COL14A1: variants seen among roughly 807,000 people sequenced by gnomAD.
COL14A1 encodes collagen alpha-1(XIV) chain.
COL14A1 carries 136 observed loss-of-function variants against 230.3 expected under a neutral mutation model. The observed-to-expected ratio is 0.59, with a 90% CI of 0.51 to 0.68. The LOEUF is 0.68. Ranked by LOEUF, COL14A1 falls within the 30% of genes least tolerant of loss-of-function variation. The pLI is 0.00. For missense variants in COL14A1, 1,976 were observed against 2,215.8 expected, an observed-to-expected ratio of 0.89 and a Z score of 2.17; for synonymous variants, 792 against 784.1, an observed-to-expected ratio of 1.01 and a Z score of -0.17.
chr8:120,259,657 C>T (rs1306929825), intron 23 of COL14A1, among the ~76,000 whole-genome samples: 1 of 152,128 alleles, frequency 6.6e-6, no homozygotes, highest in East Asian at 1.9e-4. Flanking sequence ...ATTATTTTAG[C>T]AGTAAGATCT....
intron 5 of COL14A1, among the ~76,000 whole-genome samples, chr8:120,171,819 T>G (rs1389445518): frequency 6.6e-6 from 1 of 152,184 alleles, no homozygotes; most frequent in Non-Finnish European, 1.5e-5. Context: ...TTTATCTCAA[T>G]TAGATTTATG....
At chr8:120,252,089 T>C (rs1054100072) in intron 22 of COL14A1, among the ~76,000 whole-genome samples, 1 of 152,228 alleles carries the variant, frequency 6.6e-6, no homozygotes, top group African/African-American at 2.4e-5. Context: ...TGTGATGATT[T>C]ATGTTTACAA....
intron 45 of COL14A1, among the ~76,000 whole-genome samples, chr8:120,359,517 T>C (rs1823116664): frequency 6.6e-6 from 1 of 152,190 alleles, no homozygotes; most frequent in African/African-American, 2.4e-5. Flanking sequence ...TGGTTGACTA[T>C]TCATGCTAAA....
At position 120,285,857 on chromosome 8, in the gene COL14A1, A is replaced by G. The variant is rs774442740; in HGVS notation, c.3968-4A>G. On this transcript the variant is annotated splice_region_variant and splice_polypyrimidine_tract_variant and intron_variant, in intron 32 of 47. Transcript: ENST00000297848. ...CTAAAATATTTTTATTTTTCTTTCA[A>G]TAGATGGTGGGAAAACTCTAACATA... 3 of 1,539,966 alleles carry G rather than the reference A, an allele frequency of 1.9e-6. No homozygotes were observed. Among genetic ancestry groups the G allele is most frequent in the Admixed American group, 1.9e-5 (1 of 51,422 alleles).
chr8:120,132,015 A>G (rs763284611), intron 1 of COL14A1, among the ~76,000 whole-genome samples: 18 of 150,968 alleles, frequency 1.2e-4, no homozygotes, highest in Non-Finnish European at 2.5e-4. Context: ...TGCCCAGATA[A>G]TTTTTTATAT....
At chr8:120,348,115 C>T (rs754867003) in intron 45 of COL14A1, among the ~76,000 whole-genome samples, 8 of 151,114 alleles carry the variant, frequency 5.3e-5, no homozygotes, top group South Asian at 2.1e-4. Flanking sequence ...AGTGCAAAAA[C>T]GTGGAACCAA....
At chr8:120,231,680 G>C in intron 19 of COL14A1, 62 bp downstream of exon 19, 5 of 1,531,198 alleles carry the variant, frequency 3.3e-6, no homozygotes, top group Non-Finnish European at 3.5e-6. Context: ...TAATAAGACT[G>C]TCTTCGGAGA....
intron 31 of COL14A1, among the ~76,000 whole-genome samples, chr8:120,281,777 A>T (rs563148435): frequency 1.3e-5 from 2 of 152,304 alleles, no homozygotes; most frequent in African/African-American, 4.8e-5. Context: ...TGGAATTTAT[A>T]TCCAGCTATC....
chr8:120,183,365 C>T (rs1294392877), intron 5 of COL14A1, among the ~76,000 whole-genome samples: 3 of 152,116 alleles, frequency 2.0e-5, no homozygotes, highest in Non-Finnish European at 2.9e-5. Context: ...CAGCCAGTCA[C>T]GGGGATGGTA....
chr8:120,340,685 C>T (rs1358189309), intron 42 of COL14A1, among the ~76,000 whole-genome samples: 2 of 152,084 alleles, frequency 1.3e-5, no homozygotes, highest in East Asian at 1.9e-4. Flanking sequence ...GCTTTAATAA[C>T]GGCAAGGTTT....
intron 21 of COL14A1, 126 bp downstream of exon 21, chr8:120,247,861 C>G: frequency 8.5e-7 from 1 of 1,173,046 alleles, no homozygotes; most frequent in East Asian, 2.4e-5. Context: ...GGGAGAACCT[C>G]TTACTTGTTT....
chr8:120,356,997 A>AT (rs71306875), intron 45 of COL14A1, among the ~76,000 whole-genome samples: 63,274 of 151,730 alleles, frequency 0.42, 13,177 homozygotes, highest in South Asian at 0.45. Context: ...TCTTTTATTG[A>AT]TTTTTTTTAT....
At position 120,262,919 on chromosome 8, in the gene COL14A1, TC is replaced by T. The variant is rs1563703743; in HGVS notation, c.2922del (p.Tyr975MetfsTer25). 1 of 1,613,742 alleles carries T rather than the reference TC, an allele frequency of 6.2e-7. No individual in the cohort carries two copies. Among genetic ancestry groups the T allele is most frequent in the East Asian group, 2.2e-5 (1 of 44,858 alleles). On this transcript the variant is annotated frameshift_variant, in exon 24 of 48. Transcript: ENST00000297848. LOFTEE classifies it high-confidence loss of function. ...GGTGGAGGGACAACCAGGCATTGCTTCTATGGACTTCAGCCTGATTCTGAAT... is the reference window on the plus strand; with the variant it reads ...GGTGGAGGGACAACCAGGCATTGCTTTATGGACTTCAGCCTGATTCTGAAT... ...TVGGGTTRHC[F>X]YGLQPDSEYK...
rs541220020 is a variant in COL14A1, at chr8:120,371,642, T to C, written c.*411T>C. Reference sequence around the variant, plus strand: ...AATTCAAAGAGGTTCAAAGAATATGTCACTTACTCCTACTTGCTGTAGGAA... The same window carrying C: ...AATTCAAAGAGGTTCAAAGAATATGCCACTTACTCCTACTTGCTGTAGGAA... On this transcript the variant is annotated 3_prime_UTR_variant, in exon 48 of 48. Transcript: ENST00000297848. The C allele has an allele frequency of 2.5e-6, 1 of 398,644 alleles. No homozygotes were observed. The highest frequency in any genetic ancestry group is 4.4e-6 in the Non-Finnish European group (1 of 225,930). 24.7% of individuals were successfully genotyped at this position (398,644 alleles called of 1,614,324 possible). A position where few individuals can be genotyped will look rare whatever the true frequency, so the allele number is the denominator to read the frequency against.
intron 42 of COL14A1, among the ~76,000 whole-genome samples, chr8:120,335,618 G>A (rs191904360): frequency 9.8e-4 from 149 of 152,324 alleles, no homozygotes; most frequent in Non-Finnish European, 1.7e-3. Context: ...AGGCATGAGG[G>A]AAAGGGACCA....
intron 26 of COL14A1, among the ~76,000 whole-genome samples, chr8:120,271,325 T>A (rs575057440): frequency 6.6e-6 from 1 of 151,410 alleles, no homozygotes; most frequent in African/African-American, 2.4e-5. Flanking sequence ...ATCCCATGAC[T>A]TGCAATTTAT....
At chr8:120,307,919 A>G (rs561523289) in intron 36 of COL14A1, among the ~76,000 whole-genome samples, 1 of 152,360 alleles carries the variant, frequency 6.6e-6, no homozygotes, top group South Asian at 2.1e-4. Context: ...TCTTCTGAGA[A>G]ATACTAACAG....
chr8:120,275,979 G>A (rs772839700), intron 26 of COL14A1, among the ~76,000 whole-genome samples: 21 of 151,902 alleles, frequency 1.4e-4, no homozygotes, highest in Middle Eastern at 3.4e-3. Flanking sequence ...CCCAGTACTG[G>A]CTATCTACCC....
intron 32 of COL14A1, among the ~76,000 whole-genome samples, chr8:120,284,868 A>G (rs1451201380): frequency 1.3e-5 from 2 of 152,170 alleles, no homozygotes; most frequent in African/African-American, 2.4e-5. Context: ...AATATGAATT[A>G]TTCTCTCACA....
Sources: allele counts gnomAD v4.1 joint callset (sites outside exome capture counted in the v4.1 genomes callset), GRCh38; gene constraint gnomAD v4.1.1; transcripts MANE v1.5; gene names NCBI Gene and HGNC (gene_info 2026-07-23, HGNC 2026-07-21).